The following NUDCD3 variants were observed in gnomAD, a reference collection of about 807,000 sequenced individuals.
NUDCD3 encodes the protein NudC domain containing 3, also known as nudC domain-containing protein 3.
In NUDCD3, 13 loss-of-function variants were observed where a neutral mutation model predicts 39.7. That is an observed-to-expected ratio of 0.33 (90% CI 0.21 to 0.52). The LOEUF (loss-of-function observed/expected upper bound fraction) is 0.52. Among genes scored for constraint, NUDCD3 ranks in the 20% least tolerant of loss-of-function variants. The pLI is 0.96. For synonymous variants in NUDCD3, 175 were observed against 172.4 expected (o/e 1.02, Z -0.12); for missense variants, 453 against 458.1 (o/e 0.99, Z 0.10).
At chr7:44,473,829 T>C (rs114910624) in intron 2 of NUDCD3, among the ~76,000 whole-genome samples, 264 of 152,106 alleles carry the variant, frequency 1.7e-3, no homozygotes, top group African/African-American at 6.1e-3. Flanking sequence ...AACAAACAAC[T>C]TGATTTACTT....
At chr7:44,432,157 C>T (rs1799376285) in intron 2 of NUDCD3, among the ~76,000 whole-genome samples, 1 of 152,174 alleles carries the variant, frequency 6.6e-6, no homozygotes, top group Admixed American at 6.5e-5. Context: ...TGGCACACAC[C>T]TGTAGTGCTG....
chr7:44,485,190 G>A lies in NUDCD3; in HGVS notation c.287C>T (p.Ala96Val), dbSNP rs1800581364. 3.7e-6 allele frequency: 6 copies of A among 1,614,140 alleles called. No individual in the cohort carries two copies. Among genetic ancestry groups the A allele is most frequent in the Non-Finnish European group, 5.1e-6 (6 of 1,179,996 alleles). Residue 96 changes from alanine (A) to valine (V), a missense_variant, in exon 2 of 6, where the codon GCC (alanine) becomes GTC (valine). Transcript: ENST00000355451. The part of the protein sequence containing the change: ...EKIRRKEEEE[A>V]KTVSAAAAEK... Reference sequence around the variant, plus strand: ...AGCTGCAGCAGCTGACACAGTCTTGGCCTCTTCCTCTTCCTTTCTTCTGAT... The same window carrying A: ...AGCTGCAGCAGCTGACACAGTCTTGACCTCTTCCTCTTCCTTTCTTCTGAT...
At chr7:44,452,808 C>A (rs1024871730) in intron 2 of NUDCD3, among the ~76,000 whole-genome samples, 6 of 152,214 alleles carry the variant, frequency 3.9e-5, no homozygotes, top group Admixed American at 3.9e-4. Flanking sequence ...AGAACTCACA[C>A]ACACAAAAGG....
chr7:44,426,103 T>C (rs1799230405), intron 3 of NUDCD3: 1 of 985,240 alleles, frequency 1.0e-6, no homozygotes, highest in Non-Finnish European at 1.2e-6. Context: ...CCTGGGTTCT[T>C]TGCTTTGCCT....
At chr7:44,460,429 A>T (rs1786133691) in intron 2 of NUDCD3, among the ~76,000 whole-genome samples, 1 of 152,240 alleles carries the variant, frequency 6.6e-6, no homozygotes, top group African/African-American at 2.4e-5. Flanking sequence ...AGGAAAGCAT[A>T]TAAGGCCATT....
chr7:44,449,192 G>T (rs1026708590), intron 2 of NUDCD3, among the ~76,000 whole-genome samples: 2 of 152,178 alleles, frequency 1.3e-5, no homozygotes. Context: ...TTAAGGGGTG[G>T]AAACAAGACG....
intron 2 of NUDCD3, among the ~76,000 whole-genome samples, chr7:44,482,373 G>C (rs936130415): frequency 6.6e-6 from 1 of 152,166 alleles, no homozygotes; most frequent in Non-Finnish European, 1.5e-5. Context: ...GCATGTCTTA[G>C]AAGACTAAGC....
At chr7:44,401,882 G>GA (rs1360466111) in intron 4 of NUDCD3, among the ~76,000 whole-genome samples, 2 of 152,230 alleles carry the variant, frequency 1.3e-5, no homozygotes, top group Non-Finnish European at 2.9e-5. Context: ...GCCCTGGCAT[G>GA]AAAGTTAAAC....
chr7:44,426,085 C>T lies in NUDCD3; in HGVS notation c.642+1486G>A, dbSNP rs146191754. On this transcript the variant is annotated intron_variant, in intron 3 of 5. Transcript: ENST00000355451. ...ACACAGGCCTGGCCGTCCACTTCAT[C>T]GCTGTGACCTGGGTTCTTTGCTTTG... 4.9e-5 allele frequency: 48 copies of T among 979,690 alleles called. No individual in the cohort carries two copies. In the East Asian group the frequency reaches 6.8e-4, roughly 14 times the overall value. The allele number at this position is 979,690 out of a possible 1,614,324, so 60.7% of individuals were successfully genotyped here.
At chr7:44,403,389 C>T (rs887015467) in intron 4 of NUDCD3, among the ~76,000 whole-genome samples, 24 of 152,212 alleles carry the variant, frequency 1.6e-4, no homozygotes, top group African/African-American at 4.3e-4. Context: ...GTTGAGGCCA[C>T]GGCAGCACCA....
chr7:44,399,162 G>A (rs1473690929), intron 4 of NUDCD3, among the ~76,000 whole-genome samples: 2 of 152,124 alleles, frequency 1.3e-5, no homozygotes, highest in African/African-American at 4.8e-5. Context: ...TGTCCATGGT[G>A]CCACCAAGAG....
chr7:44,411,485 G>A (rs961551820), intron 3 of NUDCD3, among the ~76,000 whole-genome samples: 2 of 152,118 alleles, frequency 1.3e-5, no homozygotes, highest in African/African-American at 4.8e-5. Flanking sequence ...TAGGCATTTC[G>A]CCAAAGAAGA....
intron 3 of NUDCD3, among the ~76,000 whole-genome samples, chr7:44,414,557 A>C (rs1254334671): frequency 1.3e-5 from 2 of 152,208 alleles, no homozygotes; most frequent in African/African-American, 4.8e-5. Flanking sequence ...AAAACCAGTT[A>C]TGTGATGACT....
At chr7:44,431,892 G>A (rs1344433483) in intron 2 of NUDCD3, among the ~76,000 whole-genome samples, 1 of 151,992 alleles carries the variant, frequency 6.6e-6, no homozygotes, top group Non-Finnish European at 1.5e-5. Context: ...GGCTGGTCTC[G>A]AAATCCTGAC....
At chr7:44,426,096 G>C (rs1799230059) in intron 3 of NUDCD3, 2 of 984,170 alleles carry the variant, frequency 2.0e-6, no homozygotes, top group South Asian at 9.4e-5. Flanking sequence ...GCTGTGACCT[G>C]GGTTCTTTGC....
intron 2 of NUDCD3, chr7:44,472,068 G>A (rs1050345496): frequency 6.6e-6 from 1 of 152,128 alleles, no homozygotes; most frequent in Non-Finnish European, 1.5e-5. Flanking sequence ...TTCTCAGATT[G>A]ATGGAAGCCG....
chr7:44,487,139 G>A (rs888792081), intron 1 of NUDCD3, among the ~76,000 whole-genome samples: 13 of 152,164 alleles, frequency 8.5e-5, no homozygotes, highest in African/African-American at 2.4e-4. Context: ...CAGTCTAAAC[G>A]ATTTTTGTCT....
At chr7:44,439,735 G>A (rs764530176) in intron 2 of NUDCD3, among the ~76,000 whole-genome samples, 22 of 152,112 alleles carry the variant, frequency 1.4e-4, no homozygotes, top group Non-Finnish European at 2.5e-4. Context: ...AACCACCCAT[G>A]AGTCCATACT....
chr7:44,438,715 A>G (rs1169936494), intron 2 of NUDCD3, among the ~76,000 whole-genome samples: 1 of 152,154 alleles, frequency 6.6e-6, no homozygotes, highest in East Asian at 1.9e-4. Context: ...TCCCCAGAAC[A>G]GTATTTTTCA....
Sources: gnomAD v4.1 joint callset for allele counts (sites outside exome capture counted in the v4.1 genomes callset) on GRCh38, gnomAD v4.1.1 for gene constraint, MANE v1.5 for transcripts, NCBI Gene and HGNC (gene_info 2026-07-23, HGNC 2026-07-21) for gene names.